The following ZSWIM5 variants were observed in gnomAD, a reference collection of about 807,000 sequenced individuals.
ZSWIM5 encodes zinc finger SWIM domain-containing protein 5.
Under a neutral mutation model 119.6 loss-of-function variants are expected in ZSWIM5, and 55 were observed. The observed-to-expected ratio is 0.46, with a 90% CI of 0.37 to 0.58. ZSWIM5 has a LOEUF of 0.58. Ranked by LOEUF, ZSWIM5 falls within the 20% of genes least tolerant of loss-of-function variation. The pLI is 0.00. For synonymous variants in ZSWIM5, 537 were observed against 606.9 expected (o/e 0.88, Z 1.69); for missense variants, 1,193 against 1,512.8 (o/e 0.79, Z 3.51).
intron 1 of ZSWIM5, among the ~76,000 whole-genome samples, chr1:45,110,613 A>C (rs1267204288): frequency 1.3e-5 from 2 of 152,214 alleles, no homozygotes; most frequent in Non-Finnish European, 2.9e-5. Flanking sequence ...AAAGTCTTGG[A>C]CCACACAGTA....
intron 1 of ZSWIM5, among the ~76,000 whole-genome samples, chr1:45,136,439 CT>C (rs888779333): frequency 6.6e-6 from 1 of 151,878 alleles, no homozygotes; most frequent in African/African-American, 2.4e-5. Context: ...CTTTTTATCC[CT>C]TTTTTTTGCT....
rs762084446 is a variant in ZSWIM5, at chr1:45,040,410, A to G, written c.1738T>C (p.Tyr580His). Residue 580 changes from tyrosine (Y) to histidine (H), a missense_variant, in exon 7 of 14, where the codon TAC (tyrosine) becomes CAC (histidine). Transcript: ENST00000359600. ...RLQQQRQLEI[Y>H]KHQKKELLQR... ...ACTATACCTTTCTTCTGATGCTTGT[A>G]GATTTCCAGTTGCCGCTGCTGCTGC... The G allele has an allele frequency of 6.2e-7, 1 of 1,611,024 alleles. No individual in the cohort carries two copies. Among genetic ancestry groups the G allele is most frequent in the South Asian group, 1.1e-5 (1 of 90,084 alleles).
chr1:45,193,035 C>G (rs1400770575), intron 1 of ZSWIM5, among the ~76,000 whole-genome samples: 1 of 152,044 alleles, frequency 6.6e-6, no homozygotes. Context: ...TTAATATATT[C>G]TGGATATTAA....
chr1:45,085,881 A>G (rs1024201139), intron 2 of ZSWIM5, among the ~76,000 whole-genome samples: 1 of 152,250 alleles, frequency 6.6e-6, no homozygotes, highest in Admixed American at 6.5e-5. Flanking sequence ...AACCTCTGCC[A>G]CTTTTCTAAC....
intron 11 of ZSWIM5, among the ~76,000 whole-genome samples, chr1:45,023,425 A>G (rs1330889667): frequency 6.6e-6 from 1 of 150,568 alleles, no homozygotes; most frequent in Non-Finnish European, 1.5e-5. Context: ...GGCTTCTTAC[A>G]ACATGCAATA....
At chr1:45,197,617 A>C (rs1417557088) in intron 1 of ZSWIM5, among the ~76,000 whole-genome samples, 2 of 152,232 alleles carry the variant, frequency 1.3e-5, no homozygotes, top group African/African-American at 4.8e-5. Context: ...ATATTCAAGT[A>C]CAAGTCTTTA....
At chr1:45,146,990 G>A (rs149079674) in intron 1 of ZSWIM5, among the ~76,000 whole-genome samples, 6 of 152,030 alleles carry the variant, frequency 3.9e-5, no homozygotes, top group Admixed American at 2.6e-4. Context: ...ATGCTCTATG[G>A]TTTCCCCACG....
At chr1:45,193,536 C>T (rs1019595239) in intron 1 of ZSWIM5, among the ~76,000 whole-genome samples, 4 of 152,044 alleles carry the variant, frequency 2.6e-5, no homozygotes, top group Non-Finnish European at 4.4e-5. Context: ...AAATTCTATA[C>T]AGAGGTCATG....
chr1:45,170,864 G>C (rs1645942260), intron 1 of ZSWIM5, among the ~76,000 whole-genome samples: 1 of 152,082 alleles, frequency 6.6e-6, no homozygotes, highest in Admixed American at 6.6e-5. Flanking sequence ...GGGAAAATAG[G>C]AATGAGGCAC....
intron 1 of ZSWIM5, among the ~76,000 whole-genome samples, chr1:45,160,289 T>C (rs911422243): frequency 3.2e-4 from 48 of 152,226 alleles, no homozygotes; most frequent in Admixed American, 3.1e-3. Context: ...TTATCATTTC[T>C]ATGTGTTGGT....
At chr1:45,091,943 A>C (rs1013828327) in intron 1 of ZSWIM5, among the ~76,000 whole-genome samples, 19 of 152,272 alleles carry the variant, frequency 1.2e-4, no homozygotes, top group South Asian at 1.2e-3. Flanking sequence ...TATAAAAAAA[A>C]AAACAAACCA....
intron 2 of ZSWIM5, among the ~76,000 whole-genome samples, chr1:45,087,169 CCA>C (rs758126919): frequency 6.6e-5 from 10 of 152,292 alleles, no homozygotes; most frequent in Non-Finnish European, 1.5e-4. Flanking sequence ...CAGGCGTGAG[CCA>C]CTGTGCCTGG....
At chr1:45,108,720 T>C (rs1316345162) in intron 1 of ZSWIM5, among the ~76,000 whole-genome samples, 1 of 152,052 alleles carries the variant, frequency 6.6e-6, no homozygotes, top group African/African-American at 2.4e-5. Context: ...TATGTTAATG[T>C]TCTGCCTATA....
chr1:45,204,670 G>A (rs1430182687), intron 1 of ZSWIM5, among the ~76,000 whole-genome samples: 1 of 152,128 alleles, frequency 6.6e-6, no homozygotes, highest in Non-Finnish European at 1.5e-5. Flanking sequence ...TGGGGTTTGT[G>A]TCTTTCTGTG....
At chr1:45,144,017 A>G (rs1052807884) in intron 1 of ZSWIM5, among the ~76,000 whole-genome samples, 19 of 152,176 alleles carry the variant, frequency 1.2e-4, no homozygotes, top group African/African-American at 4.1e-4. Context: ...ATAGAGAGAT[A>G]TACTGTGTTC....
chr1:45,174,138 G>A (rs952601424), intron 1 of ZSWIM5, among the ~76,000 whole-genome samples: 1 of 151,884 alleles, frequency 6.6e-6, no homozygotes, highest in African/African-American at 2.4e-5. Context: ...AGCCAAGTAT[G>A]GTGTCATACA....
At chr1:45,153,148 A>G (rs955463475) in intron 1 of ZSWIM5, among the ~76,000 whole-genome samples, 4 of 148,318 alleles carry the variant, frequency 2.7e-5, no homozygotes, top group African/African-American at 7.4e-5. Flanking sequence ...GACTGCAGAG[A>G]AAAAAAAAAC....
chr1:45,041,990 T>C (rs903828435), intron 6 of ZSWIM5, among the ~76,000 whole-genome samples: 3 of 152,246 alleles, frequency 2.0e-5, no homozygotes, highest in Non-Finnish European at 2.9e-5. Flanking sequence ...TGAATACATG[T>C]ATATCTATTG....
rs535284440 is a variant in ZSWIM5, at chr1:45,155,912, A to G, written c.595+49844T>C. Reference sequence around the variant, plus strand: ...AGAGTGGGAAGTGGGTGAGGAATACAAGACTACAAATTGGGTTCAGTGTAT... The same window carrying G: ...AGAGTGGGAAGTGGGTGAGGAATACGAGACTACAAATTGGGTTCAGTGTAT... On this transcript the variant is annotated intron_variant, in intron 1 of 13. Coordinates refer to ENST00000359600, the MANE Select transcript of ZSWIM5 (RefSeq NM_020883.2). Among the ~76,000 whole-genome samples, 45 of 152,066 alleles carry G rather than the reference A, an allele frequency of 3.0e-4. No homozygotes were observed. In the South Asian group the frequency reaches 3.5e-3, roughly 12 times the overall value.
Sources: allele counts gnomAD v4.1 joint callset (sites outside exome capture counted in the v4.1 genomes callset), GRCh38; gene constraint gnomAD v4.1.1; transcripts MANE v1.5; gene names NCBI Gene and HGNC (gene_info 2026-07-23, HGNC 2026-07-21).